SH3GL1: variants seen among roughly 807,000 people sequenced by gnomAD.
SH3GL1 encodes SH3 domain containing GRB2 like 1, endophilin A2.
A neutral mutation model predicts 48.8 loss-of-function variants in SH3GL1; 21 were observed. The ratio of observed to expected loss-of-function variants is 0.43; its 90% CI spans 0.30 to 0.62. SH3GL1 has a LOEUF of 0.62. Ranked by LOEUF, SH3GL1 falls within the 20% of genes least tolerant of loss-of-function variation. The pLI, the probability that SH3GL1 is intolerant of heterozygous loss-of-function variation, is 0.11. For missense variants in SH3GL1, 454 were observed against 503.0 expected (o/e 0.90, Z 0.93); for synonymous variants, 282 against 217.5 (o/e 1.30, Z -2.61).
chr19:4,381,105 G>T (rs1222520676), intron 1 of SH3GL1, among the ~76,000 whole-genome samples: 2 of 87,244 alleles, frequency 2.3e-5, no homozygotes, highest in Non-Finnish European at 4.1e-5. Flanking sequence ...TGTCCCCTTT[G>T]CCTCTGTCCC....
chr19:4,372,903 G>A (rs1568412603), intron 1 of SH3GL1, among the ~76,000 whole-genome samples: 1 of 152,220 alleles, frequency 6.6e-6, no homozygotes, highest in Non-Finnish European at 1.5e-5. Context: ...CCAGACCTGA[G>A]GCCCTTGCGT....
intron 1 of SH3GL1, among the ~76,000 whole-genome samples, chr19:4,392,679 G>T (rs1462957358): frequency 6.6e-6 from 1 of 152,162 alleles, no homozygotes; most frequent in African/African-American, 2.4e-5. Flanking sequence ...CGGGCACGTG[G>T]CTCAGGCCTG....
At chr19:4,396,281 C>A (rs553112092) in intron 1 of SH3GL1, among the ~76,000 whole-genome samples, 1 of 152,010 alleles carries the variant, frequency 6.6e-6, no homozygotes, top group Non-Finnish European at 1.5e-5. Context: ...TGCCTGTAAT[C>A]GCAGCTACTC....
chr19:4,366,597 G>C (rs1456886227), intron 2 of SH3GL1, 24 bp from the exon 3 acceptor site: 1 of 1,604,508 alleles, frequency 6.2e-7, no homozygotes. Flanking sequence ...CAGCATATAA[G>C]ACTCCACAGC....
chr19:4,398,142 G>C (rs1010639805), intron 1 of SH3GL1, among the ~76,000 whole-genome samples: 4 of 152,114 alleles, frequency 2.6e-5, no homozygotes, highest in Non-Finnish European at 1.5e-5. Context: ...ACAGCACCTG[G>C]CAGGGTCCTT....
Position 4,361,269 on chromosome 19 carries a change from A to C in SH3GL1, c.*331T>G. On this transcript the variant is annotated 3_prime_UTR_variant, in exon 10 of 10. Transcript: ENST00000269886. ...GTGGGGGCTGCCCCAGAGGAACATTAGTGTTTCTAAGAGCACCTTAGTGTT... is the reference window on the plus strand; with the variant it reads ...GTGGGGGCTGCCCCAGAGGAACATTCGTGTTTCTAAGAGCACCTTAGTGTT... 1 of 393,440 alleles carries C rather than the reference A, an allele frequency of 2.5e-6. No homozygotes were observed. Among genetic ancestry groups the C allele is most frequent in the East Asian group, 4.6e-5 (1 of 21,858 alleles). 24.4% of individuals were successfully genotyped at this position (393,440 alleles called of 1,614,324 possible). A position where few individuals can be genotyped will look rare whatever the true frequency, so the allele number is the denominator to read the frequency against.
chr19:4,374,560 G>A (rs570913778), intron 1 of SH3GL1, among the ~76,000 whole-genome samples: 7 of 152,352 alleles, frequency 4.6e-5, no homozygotes, highest in African/African-American at 1.2e-4. Flanking sequence ...CCACCAGCCC[G>A]AACCTGGCCC....
chr19:4,391,351 G>C (rs1036545611), intron 1 of SH3GL1, among the ~76,000 whole-genome samples: 3 of 152,190 alleles, frequency 2.0e-5, no homozygotes, highest in Non-Finnish European at 4.4e-5. Flanking sequence ...GCTGTTATTA[G>C]GGGCACCTGG....
chr19:4,389,182 A>G lies in SH3GL1; in HGVS notation c.45+11142T>C, dbSNP rs567497083. ...TCATCAGCAGGCCAGTGCCCAGCAG[A>G]ACATGGCCCATCACACATGCCCGAG... is the stretch of plus-strand genomic sequence containing the variant. On this transcript the variant is annotated intron_variant, in intron 1 of 9. Coordinates refer to ENST00000269886, the MANE Select transcript of SH3GL1 (RefSeq NM_003025.4). This position sits in a 1 kb window ranked among gnomAD's most constrained non-coding sequence, Gnocchi z 4.5. Among the ~76,000 whole-genome samples the G allele has an allele frequency of 2.0e-5, 3 of 152,290 alleles. No individual in the cohort carries two copies. Among genetic ancestry groups the G allele is most frequent in the African/African-American group, 7.2e-5 (3 of 41,558 alleles).
At position 4,361,420 on chromosome 19, in the gene SH3GL1, A is replaced by G; in HGVS notation, c.*180T>C. 1.7e-6 allele frequency: 1 copy of G among 595,560 alleles called. No individual in the cohort carries two copies. Among genetic ancestry groups the G allele is most frequent in the African/African-American group, 1.9e-5 (1 of 53,708 alleles). 36.9% of individuals were successfully genotyped at this position (595,560 alleles called of 1,614,324 possible). On this transcript the variant is annotated 3_prime_UTR_variant, in exon 10 of 10. Coordinates refer to ENST00000269886, the MANE Select transcript of SH3GL1 (RefSeq NM_003025.4). ...TGTAAACAGGCATCCCCACCCACCC[A>G]GATAAGCCCCCCCACCCAAGTGTGG...
Position 4,362,644 on chromosome 19 carries a change from C to T in SH3GL1, c.821G>A (p.Gly274Asp), listed in dbSNP as rs1972653630. 5 of 1,613,874 alleles carry T rather than the reference C, an allele frequency of 3.1e-6. No individual in the cohort carries two copies. The highest frequency in any genetic ancestry group is 4.2e-6 in the Non-Finnish European group (5 of 1,179,994). ...DLGEPEQSNG[G>D]FPCTTAPKIA... Reference sequence around the variant, plus strand: ...CTTGGGGGCTGTGGTGCAGGGGAAGCCCCCGTTGGACTGCTCAGGCTCTCC... The same window carrying T: ...CTTGGGGGCTGTGGTGCAGGGGAAGTCCCCGTTGGACTGCTCAGGCTCTCC... The change falls in exon 8 of 10, where the codon GGC becomes GAC. Residue 274 changes from glycine to aspartate, a missense_variant. Gly to Asp is a moderately conservative substitution (Grantham distance 94). Coordinates refer to ENST00000269886, the MANE Select transcript of SH3GL1 (RefSeq NM_003025.4).
chr19:4,392,520 A>ACACACACT (rs1973355705), intron 1 of SH3GL1, among the ~76,000 whole-genome samples: 1 of 5,402 alleles, frequency 1.9e-4, no homozygotes, highest in East Asian at 4.7e-3. Context: ...AGACTCCGTC[A>ACACACACT]CACACACACA....
chr19:4,366,925 C>A lies in SH3GL1; in HGVS notation c.114+1G>T, dbSNP rs112395311. 1 of 1,613,684 alleles carries A rather than the reference C, an allele frequency of 6.2e-7. No homozygotes were observed. The highest frequency in any genetic ancestry group is 8.5e-7 in the Non-Finnish European group (1 of 1,179,732). On this transcript the variant is annotated splice_donor_variant, in intron 2 of 9. Coordinates refer to ENST00000269886, the MANE Select transcript of SH3GL1 (RefSeq NM_003025.4). LOFTEE classifies it high-confidence loss of function. ...CACAGAGCACGCAGTTTCTTCCTCA[C>A]CTTCTCCATCTCTTTGAAGTCATCA... is the stretch of plus-strand genomic sequence containing the variant.
chr19:4,387,443 G>A (rs1973256988), intron 1 of SH3GL1, among the ~76,000 whole-genome samples: 1 of 152,156 alleles, frequency 6.6e-6, no homozygotes, highest in Admixed American at 6.5e-5. Flanking sequence ...GGCTACAGGT[G>A]TGCACCGCTA....
intron 6 of SH3GL1, 107 bp from the exon 7 acceptor site, chr19:4,363,580 G>C: frequency 6.9e-7 from 1 of 1,454,496 alleles, no homozygotes; most frequent in Non-Finnish European, 9.6e-7. Context: ...GAGGGGACAG[G>C]GGACTGGGGC....
At chr19:4,397,806 C>T (rs1973451597) in intron 1 of SH3GL1, among the ~76,000 whole-genome samples, 1 of 152,146 alleles carries the variant, frequency 6.6e-6, no homozygotes, top group African/African-American at 2.4e-5. Flanking sequence ...AGAGATAGAC[C>T]CTAAGTATCT....
chr19:4,387,434 G>A (rs1255456919), intron 1 of SH3GL1, among the ~76,000 whole-genome samples: 1 of 152,160 alleles, frequency 6.6e-6, no homozygotes. Flanking sequence ...AAGTAGCTGG[G>A]CTACAGGTGT....
intron 1 of SH3GL1, among the ~76,000 whole-genome samples, chr19:4,396,945 C>T (rs1237956745): frequency 3.3e-5 from 5 of 152,048 alleles, no homozygotes; most frequent in South Asian, 2.1e-4. Context: ...ACCCTTAGAC[C>T]GGATAAGCAA....
chr19:4,366,407 C>T, intron 3 of SH3GL1, 94 bp downstream of exon 3: 1 of 989,594 alleles, frequency 1.0e-6, no homozygotes, highest in East Asian at 2.6e-5. Context: ...AGCCCACAAC[C>T]CATGAGCCTG....
Sources: gnomAD v4.1 joint callset for allele counts (sites outside exome capture counted in the v4.1 genomes callset) on GRCh38, gnomAD v4.1.1 for gene constraint, Gnocchi (gnomAD v3.1) non-coding constraint, MANE v1.5 for transcripts, NCBI Gene and HGNC (gene_info 2026-07-23, HGNC 2026-07-21) for gene names.